The following FHOD3 variants were observed in gnomAD, a reference collection of about 807,000 sequenced individuals.
FHOD3 encodes the protein formin homology 2 domain containing 3.
A neutral mutation model predicts 173.0 loss-of-function variants in FHOD3; 90 were observed. The ratio of observed to expected loss-of-function variants is 0.52; its 90% CI spans 0.44 to 0.62. FHOD3 has a LOEUF of 0.62. FHOD3 is among the 20% of genes least tolerant of loss of function. The pLI is 0.00. For synonymous variants in FHOD3, 828 were observed against 823.0 expected, an observed-to-expected ratio of 1.01 and a Z score of -0.10; for missense variants, 1,945 against 2,034.7, an observed-to-expected ratio of 0.96 and a Z score of 0.85.
At chr18:36,593,907 C>T (rs974474056) in intron 6 of FHOD3, among the ~76,000 whole-genome samples, 9 of 152,182 alleles carry the variant, frequency 5.9e-5, no homozygotes, top group East Asian at 1.9e-4. Flanking sequence ...TGCTGTTTCT[C>T]GGCTGCACAG....
chr18:36,743,050 C>T (rs2041978051), intron 22 of FHOD3, among the ~76,000 whole-genome samples, 194 bp downstream of exon 22: 1 of 152,200 alleles, frequency 6.6e-6, no homozygotes, highest in Admixed American at 6.5e-5. Context: ...GTGGCTCACA[C>T]CTGTAATCCC....
chr18:36,521,548 C>G (rs1225106159), intron 5 of FHOD3, among the ~76,000 whole-genome samples: 1 of 152,194 alleles, frequency 6.6e-6, no homozygotes, highest in Non-Finnish European at 1.5e-5. Context: ...TAGGGCTTCT[C>G]TAAACCTTGA....
intron 27 of FHOD3, 83 bp from the exon 28 acceptor site, chr18:36,769,182 A>C (rs2043267248): frequency 1.3e-6 from 2 of 1,504,644 alleles, no homozygotes; most frequent in Non-Finnish European, 1.8e-6. Flanking sequence ...GAAAGAACTC[A>C]ACTGCTTGGA....
intron 8 of FHOD3, among the ~76,000 whole-genome samples, chr18:36,606,843 C>G (rs1395142494): frequency 1.3e-5 from 2 of 152,302 alleles, no homozygotes; most frequent in Admixed American, 6.5e-5. Flanking sequence ...AGTTCCAAGT[C>G]CAAAGCCCAA....
Position 36,385,607 on chromosome 18 carries a change from G to A in FHOD3, c.337+12863G>A, listed in dbSNP as rs187145858. Among the ~76,000 whole-genome samples, 13 of 152,298 alleles carry A rather than the reference G, an allele frequency of 8.5e-5. No homozygotes were observed. The East Asian group carries it at 2.1e-3, about 25-fold the overall frequency. ...AGACAGGGTTTCACCATATTGACCA[G>A]GCTAGACTGGTCTCAAACTCCTGGC... is the stretch of plus-strand genomic sequence containing the variant. On this transcript the variant is annotated intron_variant, in intron 3 of 28. Transcript: ENST00000590592.
chr18:36,703,568 T>C (rs1320236534), intron 17 of FHOD3, among the ~76,000 whole-genome samples: 1 of 152,200 alleles, frequency 6.6e-6, no homozygotes, highest in East Asian at 1.9e-4. Flanking sequence ...CATCTGGGTG[T>C]AGAAGGTGCT....
intron 8 of FHOD3, among the ~76,000 whole-genome samples, chr18:36,610,686 T>C (rs1195488093): frequency 6.6e-6 from 1 of 152,238 alleles, no homozygotes; most frequent in African/African-American, 2.4e-5. Context: ...TTTCCAACAC[T>C]GATAGCCCCA....
intron 3 of FHOD3, among the ~76,000 whole-genome samples, chr18:36,451,691 A>G (rs2051857097): frequency 6.6e-6 from 1 of 152,224 alleles, no homozygotes; most frequent in South Asian, 2.1e-4. Context: ...AGCCCTGCTC[A>G]AGGGCAAGGC....
chr18:36,389,906 G>T (rs1372001158), intron 3 of FHOD3, among the ~76,000 whole-genome samples: 2 of 152,100 alleles, frequency 1.3e-5, no homozygotes, highest in African/African-American at 4.8e-5. Context: ...AAGGTCACCT[G>T]CCCCTGTGGT....
At chr18:36,437,951 C>G (rs1002367746) in intron 3 of FHOD3, among the ~76,000 whole-genome samples, 1 of 152,118 alleles carries the variant, frequency 6.6e-6, no homozygotes, top group Non-Finnish European at 1.5e-5. Context: ...CATGAGCCAC[C>G]GCGCCTGGCC....
intron 17 of FHOD3, among the ~76,000 whole-genome samples, chr18:36,706,830 G>A (rs2039908369): frequency 6.6e-6 from 1 of 152,190 alleles, no homozygotes; most frequent in Non-Finnish European, 1.5e-5. Context: ...ATGCTGGGCT[G>A]TTGGAAACAC....
rs2046461011 is a variant in FHOD3, at chr18:36,358,430, T to G, written c.272+2785T>G. ...CCCAAAGAGCCAGGGCATCCTGCTA[T>G]AAACTCCCCAGAGTAGATCCTGGTT... On this transcript the variant is annotated intron_variant, in intron 2 of 28. Transcript: ENST00000590592. Among the ~76,000 whole-genome samples, 4 of 152,230 alleles carry G rather than the reference T, an allele frequency of 2.6e-5. No individual in the cohort carries two copies. The South Asian group carries it at 8.3e-4, about 31-fold the overall frequency.
intron 9 of FHOD3, among the ~76,000 whole-genome samples, chr18:36,618,278 A>G (rs1334846353): frequency 6.9e-6 from 1 of 145,248 alleles, no homozygotes; most frequent in Admixed American, 6.8e-5. Context: ...CATTCTTGTA[A>G]TACAATCCAT....
chr18:36,598,105 A>G (rs188014394), intron 7 of FHOD3, among the ~76,000 whole-genome samples: 1 of 152,328 alleles, frequency 6.6e-6, no homozygotes, highest in African/African-American at 2.4e-5. Context: ...GAGAGCAGAC[A>G]GGTGCCAGAG....
At chr18:36,299,053 T>A (rs1314200674) in intron 1 of FHOD3, among the ~76,000 whole-genome samples, 41 of 132,186 alleles carry the variant, frequency 3.1e-4, no homozygotes, top group Admixed American at 1.5e-4. Flanking sequence ...AAAATTGATT[T>A]AAAAAAAAAC....
intron 5 of FHOD3, among the ~76,000 whole-genome samples, chr18:36,524,593 C>T (rs1172982162): frequency 6.6e-6 from 1 of 152,136 alleles, no homozygotes; most frequent in Non-Finnish European, 1.5e-5. Context: ...TTTGCTGATT[C>T]ACTGGCTTCC....
rs2030055518 is a variant in FHOD3, at chr18:36,594,904, T to A, written c.718+6T>A. 1 of 1,592,462 alleles carries A rather than the reference T, an allele frequency of 6.3e-7. No homozygotes were observed. The highest frequency in any genetic ancestry group is 8.6e-7 in the Non-Finnish European group (1 of 1,161,778). ...TGCTGTTGACACGAAAAGAGGTGAG[T>A]AGTCCCTGCCCCCTTATGTCATGAA... On this transcript the variant is annotated splice_donor_region_variant and intron_variant, in intron 7 of 28. Transcript: ENST00000590592.
At chr18:36,339,799 T>C (rs1012986169) in intron 1 of FHOD3, among the ~76,000 whole-genome samples, 1 of 152,206 alleles carries the variant, frequency 6.6e-6, no homozygotes, top group Non-Finnish European at 1.5e-5. Flanking sequence ...AAATAGCTGA[T>C]TTTAAAAAAC....
At chr18:36,432,537 C>T (rs2050608020) in intron 3 of FHOD3, among the ~76,000 whole-genome samples, 1 of 152,176 alleles carries the variant, frequency 6.6e-6, no homozygotes, top group Non-Finnish European at 1.5e-5. Context: ...GAATGGGCCT[C>T]TAATGGCAGC....
Sources: allele counts gnomAD v4.1 joint callset (sites outside exome capture counted in the v4.1 genomes callset), GRCh38; gene constraint gnomAD v4.1.1; transcripts MANE v1.5; gene names NCBI Gene and HGNC (gene_info 2026-07-23, HGNC 2026-07-21).